PALS2: variants seen among roughly 807,000 people sequenced by gnomAD.
The protein encoded by PALS2 is protein PALS2.
A neutral mutation model predicts 61.6 loss-of-function variants in PALS2; 27 were observed. The observed-to-expected ratio is 0.44, with a 90% CI of 0.32 to 0.60. The LOEUF (loss-of-function observed/expected upper bound fraction) is 0.60, where lower values mean the gene tolerates loss of function less well. Among genes scored for constraint, PALS2 ranks in the 20% least tolerant of loss-of-function variants. The probability of loss-of-function intolerance (pLI) is 0.05; values close to 1 mark genes in which losing one functional copy is unlikely to be tolerated. For missense variants in PALS2, 554 were observed against 639.4 expected (o/e 0.87, Z 1.44); for synonymous variants, 236 against 218.6 (o/e 1.08, Z -0.70).
chr7:24,667,238 T>C (rs945532229), intron 8 of PALS2, among the ~76,000 whole-genome samples: 2 of 152,146 alleles, frequency 1.3e-5, no homozygotes, highest in Non-Finnish European at 2.9e-5. Flanking sequence ...TTTTGCAAAA[T>C]AGAAAATTTG....
intron 1 of PALS2, among the ~76,000 whole-genome samples, chr7:24,582,111 C>T (rs1380320091): frequency 6.6e-6 from 1 of 152,140 alleles, no homozygotes; most frequent in Non-Finnish European, 1.5e-5. Flanking sequence ...TTTTATGACT[C>T]CTCAATTGTT....
chr7:24,601,901 C>G (rs1170628504), intron 1 of PALS2, among the ~76,000 whole-genome samples: 1 of 152,034 alleles, frequency 6.6e-6, no homozygotes, highest in Non-Finnish European at 1.5e-5. Context: ...AACAAAATAT[C>G]TTAATATGAG....
chr7:24,644,205 G>A (rs1041673563), intron 3 of PALS2, among the ~76,000 whole-genome samples: 2 of 150,770 alleles, frequency 1.3e-5, no homozygotes, highest in East Asian at 3.9e-4. Context: ...TTTACCACAC[G>A]GATATTAAGC....
intron 6 of PALS2, 83 bp from the exon 7 acceptor site, chr7:24,665,505 A>T: frequency 8.1e-7 from 1 of 1,230,512 alleles, no homozygotes; most frequent in Non-Finnish European, 1.2e-6. Context: ...GACTTTTTTG[A>T]CTGACCACTG....
At chr7:24,638,354 G>A (rs1416244814) in intron 2 of PALS2, among the ~76,000 whole-genome samples, 3 of 1,380 alleles carry the variant, frequency 2.2e-3, no homozygotes, top group Admixed American at 5.0e-3. Context: ...TTTTTGAGAC[G>A]GAGTCTCGCT....
At chr7:24,604,219 GAAAAAAAAAAA>G (rs58169190) in intron 1 of PALS2, among the ~76,000 whole-genome samples, 56 of 86,148 alleles carry the variant, frequency 6.5e-4, no homozygotes, top group Non-Finnish European at 1.2e-3. Flanking sequence ...TTCAAGAAAA[GAAAAAAAAAAA>G]AAAAAAAGGA....
rs774825172 is a variant in PALS2 at position 24,680,398 on chromosome 7, A to C, written c.1324A>C (p.Lys442Gln). 1 of 1,612,100 alleles carries C rather than the reference A, an allele frequency of 6.2e-7. No individual in the cohort carries two copies. Among genetic ancestry groups the C allele is most frequent in the East Asian group, 2.2e-5 (1 of 44,844 alleles). The change falls in exon 11 of 12, where the codon AAA becomes CAA. Residue 442 changes from lysine to glutamine, a missense_variant. Coordinates refer to ENST00000222644, the MANE Select transcript of PALS2 (RefSeq NM_001303037.2). The stretch of plus-strand genomic sequence containing the variant: ...TAATTATTCTTTTACACAGGCACTG[A>C]AAGTATTGAGGACATCAGAGTTTAT... ...CILDVNPQAL[K>Q]VLRTSEFMPY...
chr7:24,654,966 G>T (rs779929090), intron 5 of PALS2, among the ~76,000 whole-genome samples: 1 of 152,134 alleles, frequency 6.6e-6, no homozygotes, highest in Non-Finnish European at 1.5e-5. Context: ...GGTTATTCTA[G>T]GGATACTGTT....
At chr7:24,611,290 A>G (rs1784101832) in intron 1 of PALS2, among the ~76,000 whole-genome samples, 1 of 152,152 alleles carries the variant, frequency 6.6e-6, no homozygotes, top group Non-Finnish European at 1.5e-5. Flanking sequence ...TTAGTAGACT[A>G]AAGATGCCAC....
chr7:24,663,520 G>A, intron 5 of PALS2, 70 bp from the exon 6 acceptor site: 1 of 1,406,132 alleles, frequency 7.1e-7, no homozygotes, highest in Non-Finnish European at 9.6e-7. Context: ...AGAGTGGTTT[G>A]ACAAGGATTT....
intron 10 of PALS2, 80 bp from the exon 11 acceptor site, chr7:24,680,312 G>T: frequency 7.1e-7 from 1 of 1,401,572 alleles, no homozygotes; most frequent in South Asian, 1.3e-5. Context: ...AGTGCAAACA[G>T]CCTTTGATAT....
intron 1 of PALS2, among the ~76,000 whole-genome samples, chr7:24,588,577 G>C (rs187145188): frequency 6.8e-4 from 104 of 152,112 alleles, no homozygotes; most frequent in African/African-American, 2.4e-3. Context: ...AACCTCTTCT[G>C]ATTTTTTAGT....
chr7:24,677,129 T>C (rs1379874050), intron 9 of PALS2, among the ~76,000 whole-genome samples: 1 of 152,106 alleles, frequency 6.6e-6, no homozygotes. Context: ...TTTTATTCCT[T>C]TGAAGCAATT....
chr7:24,676,397 AT>A (rs1562660388), intron 9 of PALS2, among the ~76,000 whole-genome samples: 1 of 151,390 alleles, frequency 6.6e-6, no homozygotes, highest in Non-Finnish European at 1.5e-5. Context: ...CCATTTGTCA[AT>A]TTTGTCTTTT....
rs995967440 is a variant in PALS2, at chr7:24,618,010, T to A, written c.-2-5656T>A. Among the ~76,000 whole-genome samples the A allele has an allele frequency of 6.6e-6, 1 of 152,204 alleles. No homozygotes were observed. Among genetic ancestry groups the A allele is most frequent in the African/African-American group, 2.4e-5 (1 of 41,460 alleles). ...GCTGGGTGCACAACTGCTTAGCCAG[T>A]CTGTGGGCATGTTTGTTGAGTTCAG... On this transcript the variant is annotated intron_variant, in intron 1 of 11. Transcript: ENST00000222644. This position sits in a 1 kb window ranked among gnomAD's most constrained non-coding sequence, Gnocchi z 5.1.
chr7:24,665,730 C>G, intron 7 of PALS2, 43 bp downstream of exon 7: 1 of 1,534,882 alleles, frequency 6.5e-7, no homozygotes, highest in South Asian at 1.1e-5. Flanking sequence ...TCCTTTGTGA[C>G]CACCTTTCTT....
intron 1 of PALS2, among the ~76,000 whole-genome samples, chr7:24,595,569 A>C (rs1242220880): frequency 9.0e-5 from 11 of 122,276 alleles, no homozygotes; most frequent in South Asian, 8.4e-4. Flanking sequence ...CTATATATAA[A>C]TATATATAAA....
chr7:24,679,479 T>A, intron 10 of PALS2, 146 bp downstream of exon 10: 1 of 722,256 alleles, frequency 1.4e-6, no homozygotes, highest in Non-Finnish European at 2.3e-6. Flanking sequence ...ATAGAGAATG[T>A]TATTATGTAT....
At chr7:24,644,549 T>C (rs1785733735) in intron 3 of PALS2, among the ~76,000 whole-genome samples, 2 of 152,090 alleles carry the variant, frequency 1.3e-5, no homozygotes, top group South Asian at 2.1e-4. Flanking sequence ...CAATCTATCA[T>C]TGACAGGCAT....
Sources: gnomAD v4.1 joint callset for allele counts (sites outside exome capture counted in the v4.1 genomes callset) on GRCh38, gnomAD v4.1.1 for gene constraint, Gnocchi (gnomAD v3.1) non-coding constraint, MANE v1.5 for transcripts, NCBI Gene and HGNC (gene_info 2026-07-23, HGNC 2026-07-21) for gene names.